The following NPY1R variants were observed in gnomAD, a reference collection of about 807,000 sequenced individuals.
NPY1R encodes the protein neuropeptide Y receptor Y1.
In NPY1R, 10 loss-of-function variants were observed where a neutral mutation model predicts 24.1. The ratio of observed to expected loss-of-function variants is 0.42; its 90% CI spans 0.26 to 0.71. The LOEUF (loss-of-function observed/expected upper bound fraction) is 0.71, where lower values mean the gene tolerates loss of function less well. Among genes scored for constraint, NPY1R ranks in the 30% least tolerant of loss-of-function variants. The probability of loss-of-function intolerance (pLI) is 0.28; values close to 1 mark genes in which losing one functional copy is unlikely to be tolerated. For missense variants in NPY1R, 350 were observed against 458.0 expected (o/e 0.76, Z 2.15); for synonymous variants, 168 against 165.9 (o/e 1.01, Z -0.10).
At chr4:163,339,498 G>GTT (rs79290672) in intron 1 of NPY1R, among the ~76,000 whole-genome samples, 4 of 150,536 alleles carry the variant, frequency 2.7e-5, no homozygotes, top group East Asian at 2.0e-4. Flanking sequence ...GACAGTGACT[G>GTT]TTTTTTTTTC....
upstream of NPY1R, among the ~76,000 whole-genome samples, chr4:163,337,788 TTCTCATAGTAACTCCC>T (rs1270012077): frequency 6.6e-6 from 1 of 152,322 alleles, no homozygotes; most frequent in African/African-American, 2.4e-5. Flanking sequence ...GCTCATCTCT[TTCTCATAGTAACTCCC>T]TTACTGGAGT....
upstream of NPY1R, among the ~76,000 whole-genome samples, chr4:163,337,468 C>A (rs908905292): frequency 1.3e-5 from 2 of 152,140 alleles, no homozygotes; most frequent in Admixed American, 6.5e-5. Flanking sequence ...GTATTTACCC[C>A]CTAACTTTCA....
chr4:163,329,720 G>A (rs867338427), intron 1 of NPY1R, among the ~76,000 whole-genome samples: 6 of 152,122 alleles, frequency 3.9e-5, no homozygotes, highest in Admixed American at 2.6e-4. Context: ...TGAGAGGAGT[G>A]GTGAGTAGGG....
chr4:163,337,645 A>C (rs1734873558), upstream of NPY1R, among the ~76,000 whole-genome samples: 1 of 152,224 alleles, frequency 6.6e-6, no homozygotes, highest in Non-Finnish European at 1.5e-5. Context: ...GTCCATAAGC[A>C]TAAAATCCAT....
At chr4:163,340,604 A>G (rs934706240) in intron 1 of NPY1R, among the ~76,000 whole-genome samples, 6 of 152,076 alleles carry the variant, frequency 3.9e-5, no homozygotes, top group African/African-American at 1.4e-4. Flanking sequence ...AATTAATGGC[A>G]TAAAGTCATA....
At chr4:163,341,609 C>A (rs1417457030) in intron 1 of NPY1R, among the ~76,000 whole-genome samples, 1 of 152,120 alleles carries the variant, frequency 6.6e-6, no homozygotes. Context: ...TTAACTTTTA[C>A]CTTTACAGAT....
rs1734558998 is a variant in NPY1R at position 163,324,480 on chromosome 4, C to T, written c.*823G>A. ...AGTCTGTAAAAAAAATGGAAAATCT[C>T]TTGACCATCAATTCAAATAAATATA... On this transcript the variant is annotated 3_prime_UTR_variant, in exon 3 of 3. Coordinates refer to ENST00000296533, the MANE Select transcript of NPY1R (RefSeq NM_000909.6). 1 of 152,150 alleles carries T rather than the reference C, an allele frequency of 6.6e-6. No homozygotes were observed. The allele number at this position is 152,150 out of a possible 1,614,324, so 9.4% of individuals were successfully genotyped here. A position where few individuals can be genotyped will look rare whatever the true frequency, so the allele number is the denominator to read the frequency against.
At chr4:163,344,012 C>G (rs566421193) in intron 1 of NPY1R, 2 of 152,514 alleles carry the variant, frequency 1.3e-5, no homozygotes, top group African/African-American at 4.8e-5. Context: ...TACGGGCTCC[C>G]GCCCCTCCCT....
intron 1 of NPY1R, among the ~76,000 whole-genome samples, chr4:163,329,097 AC>A (rs1734671398): frequency 1.3e-5 from 2 of 152,268 alleles, no homozygotes; most frequent in Admixed American, 6.5e-5. Flanking sequence ...AAAATGTTAC[AC>A]TTTATATAAA....
At chr4:163,342,800 C>G (rs1029474419) in intron 1 of NPY1R, among the ~76,000 whole-genome samples, 2 of 151,928 alleles carry the variant, frequency 1.3e-5, no homozygotes, top group Non-Finnish European at 2.9e-5. Flanking sequence ...CAGTTCTCTT[C>G]GGTTTATCCC....
Position 163,326,267 on chromosome 4 carries a change from A to G in NPY1R, c.288T>C (p.Phe96=). 1 of 1,614,148 alleles carries G rather than the reference A, an allele frequency of 6.2e-7. No homozygotes were observed. Among genetic ancestry groups the G allele is most frequent in the Non-Finnish European group, 8.5e-7 (1 of 1,179,984 alleles). The change falls in exon 2 of 3, where the codon TTT becomes TTC. Residue 96 remains phenylalanine (F), a synonymous_variant. Transcript: ENST00000296533. ...DLLVAIMCLP[F]TFVYTLMDHW... The stretch of plus-strand genomic sequence containing the variant: ...GGTCCATTAATGTGTAGACAAATGT[A>G]AAGGGGAGACACATGATGGCAACAA...
intron 1 of NPY1R, among the ~76,000 whole-genome samples, chr4:163,330,180 A>G (rs1471998578): frequency 2.6e-5 from 4 of 152,206 alleles, no homozygotes; most frequent in Admixed American, 2.6e-4. Flanking sequence ...AAATGAATAC[A>G]TATAAGAATT....
At chr4:163,336,565 C>T (rs1030417611), upstream of NPY1R, among the ~76,000 whole-genome samples, 1 of 152,288 alleles carries the variant, frequency 6.6e-6, no homozygotes, top group East Asian at 1.9e-4. Flanking sequence ...AAATCTCAAG[C>T]TTGGTATTAG....
upstream of NPY1R, among the ~76,000 whole-genome samples, chr4:163,337,451 C>T (rs1485038545): frequency 6.6e-6 from 1 of 152,130 alleles, no homozygotes; most frequent in African/African-American, 2.4e-5. Context: ...TAATTAAACG[C>T]CATAGGGTAT....
intron 1 of NPY1R, among the ~76,000 whole-genome samples, chr4:163,332,033 G>A (rs974244628): frequency 6.6e-6 from 1 of 152,190 alleles, no homozygotes; most frequent in Admixed American, 6.5e-5. Flanking sequence ...ACCCTTCTCC[G>A]GCTCATCCCA....
At chr4:163,326,797 C>A in intron 1 of NPY1R, 92 bp from the exon 2 acceptor site, 2 of 362,450 alleles carry the variant, frequency 5.5e-6, no homozygotes, top group South Asian at 7.6e-5. Flanking sequence ...AGTGAAAACA[C>A]TGAAATAAAT....
rs1560855020 is a variant in NPY1R, at chr4:163,325,447, A to C, written c.1011T>G (p.Phe337Leu). 6.2e-7 allele frequency: 1 copy of C among 1,613,998 alleles called. No homozygotes were observed. The highest frequency in any genetic ancestry group is 1.1e-5 in the South Asian group (1 of 91,082). The change falls in exon 3 of 3, where the codon TTT becomes TTG. Residue 337 changes from phenylalanine to leucine, a missense_variant. Phe to Leu is a conservative substitution (Grantham distance 22, BLOSUM62 0). Transcript: ENST00000296533. ...CATCATCCCGAGACCGGAAATCACA[A>C]AAGTTGAAGAAGAACTGCAAGTCTC... ...FQRDLQFFFN[F>L]CDFRSRDDDY...
intron 1 of NPY1R, among the ~76,000 whole-genome samples, chr4:163,328,216 G>A (rs1221477676): frequency 6.6e-6 from 1 of 152,044 alleles, no homozygotes; most frequent in African/African-American, 2.4e-5. Flanking sequence ...AGGTATGAGT[G>A]TTATTAGAAA....
At chr4:163,337,938 GA>G (rs1285043945), upstream of NPY1R, among the ~76,000 whole-genome samples, 10 of 152,128 alleles carry the variant, frequency 6.6e-5, no homozygotes, top group Non-Finnish European at 1.5e-4. Context: ...GGACACTAAT[GA>G]TCAAAGCCAA....
Sources: gnomAD v4.1 joint callset for allele counts (sites outside exome capture counted in the v4.1 genomes callset) on GRCh38, gnomAD v4.1.1 for gene constraint, MANE v1.5 for transcripts, NCBI Gene and HGNC (gene_info 2026-07-23, HGNC 2026-07-21) for gene names.